Variants in APLP2 observed in about 807,000 individuals in gnomAD.
APLP2 encodes the protein amyloid beta precursor like protein 2, also known as CDEI box-binding protein.
A neutral mutation model predicts 89.9 loss-of-function variants in APLP2; 53 were observed. The observed-to-expected ratio is 0.59, with a 90% CI of 0.47 to 0.74. APLP2 has a LOEUF of 0.74. Among genes scored for constraint, APLP2 ranks in the 30% least tolerant of loss-of-function variants. The pLI is 0.00. For missense variants in APLP2, 973 were observed against 975.9 expected, an observed-to-expected ratio of 1.00 and a Z score of 0.04; for synonymous variants, 372 against 348.6, an observed-to-expected ratio of 1.07 and a Z score of -0.75.
At chr11:130,110,472 C>G (rs1948406789) in intron 2 of APLP2, 66 bp from the exon 3 acceptor site, 1 of 1,584,070 alleles carries the variant, frequency 6.3e-7, no homozygotes, top group African/African-American at 1.3e-5. Flanking sequence ...GACACTCCAT[C>G]CTTACTTGCA....
chr11:130,132,049 T>C (rs1438023886), intron 11 of APLP2, among the ~76,000 whole-genome samples: 2 of 152,124 alleles, frequency 1.3e-5, no homozygotes, highest in Non-Finnish European at 2.9e-5. Flanking sequence ...TTTACCCCCA[T>C]ACTATAGCCA....
rs1382713333 is a variant in APLP2, at chr11:130,095,032, A to G, written c.106-14397A>G. Among the ~76,000 whole-genome samples the G allele has an allele frequency of 2.6e-5, 4 of 152,256 alleles. No homozygotes were observed. The East Asian group carries it at 7.7e-4, about 29-fold the overall frequency. ...GCGTGTGAAACCAAGCAAGTAAAAGAAGATGCAGTTGCTTACTCTAATGGG... is the reference window on the plus strand; with the variant it reads ...GCGTGTGAAACCAAGCAAGTAAAAGGAGATGCAGTTGCTTACTCTAATGGG... On this transcript the variant is annotated intron_variant, in intron 1 of 16. Coordinates refer to ENST00000338167, the MANE Select transcript of APLP2 (RefSeq NM_001142276.2).
At chr11:130,122,762 G>A (rs185385605) in intron 6 of APLP2, among the ~76,000 whole-genome samples, 4 of 152,256 alleles carry the variant, frequency 2.6e-5, no homozygotes, top group Non-Finnish European at 4.4e-5. Flanking sequence ...GAGAGACAAC[G>A]TAGTCCGCCC....
intron 1 of APLP2, among the ~76,000 whole-genome samples, chr11:130,091,678 C>T (rs1379787083): frequency 3.2e-5 from 4 of 124,132 alleles, no homozygotes; most frequent in South Asian, 2.6e-4. Context: ...CGGGCAGAGG[C>T]GCCCCTCACC....
chr11:130,102,082 G>A, intron 1 of APLP2: 1 of 398,898 alleles, frequency 2.5e-6, no homozygotes, highest in Non-Finnish European at 4.9e-6. Context: ...TACCTTGAAA[G>A]GATACTGAGA....
rs998045747 is a variant in APLP2 at position 130,135,584 on chromosome 11, G to A, written c.1706G>A (p.Arg569His). ...EEIDELLQEQ[R>H]ADMDQFTASI... ...TCAGATGAGCTCCTTCAGGAGCAGCGTGCAGATATGGACCAGTTCACTGCC... is the reference window on the plus strand; with the variant it reads ...TCAGATGAGCTCCTTCAGGAGCAGCATGCAGATATGGACCAGTTCACTGCC... The change falls in exon 13 of 17, where the codon CGT (arginine) becomes CAT (histidine). Residue 569 changes from arginine (R) to histidine (H), a missense_variant. Physicochemically the swap from Arg to His is conservative, Grantham distance 29. Coordinates refer to ENST00000338167, the MANE Select transcript of APLP2 (RefSeq NM_001142276.2). 18 of 1,614,036 alleles carry A rather than the reference G, an allele frequency of 1.1e-5. No individual in the cohort carries two copies. Among genetic ancestry groups the A allele is most frequent in the Non-Finnish European group, 1.2e-5 (14 of 1,180,022 alleles).
intron 8 of APLP2, 113 bp downstream of exon 8, chr11:130,126,943 A>G: frequency 6.9e-7 from 1 of 1,459,328 alleles, no homozygotes; most frequent in Non-Finnish European, 9.4e-7. Context: ...ATGTATAAGG[A>G]CTGGTGAGTC....
Position 130,135,590 on chromosome 11 carries a change from A to T in APLP2, c.1712A>T (p.Asp571Val), listed in dbSNP as rs778174246. The T allele has an allele frequency of 1.2e-6, 2 of 1,614,120 alleles. No homozygotes were observed. Among genetic ancestry groups the T allele is most frequent in the Admixed American group, 3.3e-5 (2 of 60,020 alleles). The stretch of plus-strand genomic sequence containing the variant: ...GAGCTCCTTCAGGAGCAGCGTGCAG[A>T]TATGGACCAGTTCACTGCCTCAATC... ...IDELLQEQRA[D>V]MDQFTASISE... Residue 571 changes from aspartate to valine, a missense_variant, in exon 13 of 17, where the codon GAT becomes GTT. Physicochemically the swap from Asp to Val is radical, Grantham distance 152 (BLOSUM62 -3). Coordinates refer to ENST00000338167, the MANE Select transcript of APLP2 (RefSeq NM_001142276.2).
At chr11:130,077,646 A>G (rs1445448429) in intron 1 of APLP2, among the ~76,000 whole-genome samples, 1 of 152,162 alleles carries the variant, frequency 6.6e-6, no homozygotes, top group African/African-American at 2.4e-5. Context: ...GGATACGGAA[A>G]TATAACATTA....
At chr11:130,125,476 A>G (rs898874411) in intron 7 of APLP2, among the ~76,000 whole-genome samples, 6 of 152,172 alleles carry the variant, frequency 3.9e-5, no homozygotes, top group African/African-American at 1.2e-4. Context: ...AATTTAGTTA[A>G]TCTGAAAGTG....
chr11:130,091,770 T>C (rs1945290984), intron 1 of APLP2, among the ~76,000 whole-genome samples: 1 of 147,568 alleles, frequency 6.8e-6, no homozygotes, highest in Non-Finnish European at 1.5e-5. Context: ...GGCGGGGGGC[T>C]GAACCCCCCA....
At chr11:130,119,693 A>AG (rs1322033063) in intron 3 of APLP2, among the ~76,000 whole-genome samples, 12 of 152,136 alleles carry the variant, frequency 7.9e-5, no homozygotes, top group African/African-American at 2.9e-4. Flanking sequence ...CTCCAGTTTT[A>AG]CCTGATGTTT....
chr11:130,108,172 A>G (rs1263279242), intron 1 of APLP2, among the ~76,000 whole-genome samples: 1 of 152,240 alleles, frequency 6.6e-6, no homozygotes, highest in African/African-American at 2.4e-5. Flanking sequence ...CTTCATGTCT[A>G]AAACACCAAA....
chr11:130,093,937 G>A (rs1945817690), intron 1 of APLP2, among the ~76,000 whole-genome samples: 1 of 151,942 alleles, frequency 6.6e-6, no homozygotes, highest in Non-Finnish European at 1.5e-5. Flanking sequence ...AGTAGAGACA[G>A]GGTTTCACCA....
At chr11:130,093,910 A>AC (rs1555132982) in intron 1 of APLP2, among the ~76,000 whole-genome samples, 2 of 151,456 alleles carry the variant, frequency 1.3e-5, no homozygotes, top group African/African-American at 4.9e-5. Context: ...CGTCTGGCTA[A>AC]TTTTTTTTGT....
Position 130,120,813 on chromosome 11 carries a change from A to T in APLP2, c.511A>T (p.Lys171Ter). Residue 171 changes from lysine (K) to a stop codon, truncating the protein, a stop_gained, in exon 4 of 17, where the codon AAA (lysine) becomes TAA (stop). Coordinates refer to ENST00000338167, the MANE Select transcript of APLP2 (RefSeq NM_001142276.2). LOFTEE classifies it high-confidence loss of function. ...TCACCAGCACTGGCACACGGTAGTC[A>T]AAGAGGTAAGAGAACTCGGGGGGAA... ...ENHQHWHTVVKEACLTQGMTL... is the reference protein window; with the variant it reads ...ENHQHWHTVV 1 of 1,612,852 alleles carries T rather than the reference A, an allele frequency of 6.2e-7. No homozygotes were observed. Among genetic ancestry groups the T allele is most frequent in the Non-Finnish European group, 8.5e-7 (1 of 1,179,032 alleles).
At chr11:130,113,200 C>T (rs931669700) in intron 3 of APLP2, among the ~76,000 whole-genome samples, 1 of 152,096 alleles carries the variant, frequency 6.6e-6, no homozygotes, top group Non-Finnish European at 1.5e-5. Context: ...CCTAGAATAT[C>T]GGATATACTG....
chr11:130,129,191 G>A lies in APLP2; in HGVS notation c.1440G>A (p.Gln480=). 1.2e-6 allele frequency: 2 copies of A among 1,612,322 alleles called. No homozygotes were observed. The highest frequency in any genetic ancestry group is 1.7e-6 in the Non-Finnish European group (2 of 1,178,824). ...MALENYLAAL[Q]SDPPRPHRIL... Reference sequence around the variant, plus strand: ...TGGAGAACTACCTGGCTGCCTTGCAGTCTGACCCGCCACGGGTGAGTCCTG... The same window carrying A: ...TGGAGAACTACCTGGCTGCCTTGCAATCTGACCCGCCACGGGTGAGTCCTG... The change falls in exon 10 of 17, where the codon CAG becomes CAA. Residue 480 remains glutamine, a synonymous_variant. Transcript: ENST00000338167.
chr11:130,073,104 A>G (rs1941441764), intron 1 of APLP2, among the ~76,000 whole-genome samples: 1 of 152,240 alleles, frequency 6.6e-6, no homozygotes, highest in African/African-American at 2.4e-5. Flanking sequence ...CTAAATGTAG[A>G]TCAAGTATTT....
Sources: gnomAD v4.1 joint callset for allele counts (sites outside exome capture counted in the v4.1 genomes callset) on GRCh38, gnomAD v4.1.1 for gene constraint, MANE v1.5 for transcripts, NCBI Gene and HGNC (gene_info 2026-07-23, HGNC 2026-07-21) for gene names.